PPP1R42: variants seen among roughly 807,000 people sequenced by gnomAD.
PPP1R42 encodes the protein leucine rich repeat containing 67.
In PPP1R42, 34 loss-of-function variants were observed where a neutral mutation model predicts 31.0. The observed-to-expected ratio is 1.10, with a 90% confidence interval of 0.83 to 1.46. The LOEUF is 1.46. Ranked by LOEUF, PPP1R42 falls within the 40% of genes most tolerant of loss-of-function variation. The pLI, the probability that PPP1R42 is intolerant of heterozygous loss-of-function variation, is 0.00. For synonymous variants in PPP1R42, 103 were observed against 109.8 expected, an observed-to-expected ratio of 0.94 and a Z score of 0.39; for missense variants, 268 against 303.0, an observed-to-expected ratio of 0.88 and a Z score of 0.86.
intron 1 of PPP1R42, among the ~76,000 whole-genome samples, chr8:67,022,051 G>A (rs1816236043): frequency 6.6e-6 from 1 of 152,028 alleles, no homozygotes; most frequent in Non-Finnish European, 1.5e-5. Flanking sequence ...AAAACTAGGA[G>A]TGGCCACTTC....
chr8:66,984,260 T>G (rs1210791358), intron 6 of PPP1R42: 1 of 1,458,152 alleles, frequency 6.9e-7, no homozygotes. Flanking sequence ...TCTCCAAAGC[T>G]CCGGTCTTTG....
intron 4 of PPP1R42, 78 bp from the exon 5 acceptor site, chr8:67,010,909 A>G: frequency 7.4e-7 from 1 of 1,359,150 alleles, no homozygotes; most frequent in East Asian, 2.5e-5. Flanking sequence ...CTAATCTTTG[A>G]AAAGTTTAAG....
At chr8:66,989,084 T>C (rs1337627779) in intron 5 of PPP1R42, among the ~76,000 whole-genome samples, 1 of 152,200 alleles carries the variant, frequency 6.6e-6, no homozygotes, top group East Asian at 1.9e-4. Context: ...TCTAATCTTT[T>C]TGAGCATAGG....
chr8:67,009,941 G>A (rs193065249), intron 5 of PPP1R42, among the ~76,000 whole-genome samples: 6 of 152,188 alleles, frequency 3.9e-5, no homozygotes, highest in African/African-American at 9.7e-5. Context: ...CCTGTGGTTC[G>A]TATGTCAAGA....
At chr8:66,968,638 T>G (rs974488701) in intron 7 of PPP1R42, 1 of 194,262 alleles carries the variant, frequency 5.1e-6, no homozygotes, top group Non-Finnish European at 9.4e-6. Context: ...CTAGCTTTAT[T>G]TTGATTATCT....
intron 5 of PPP1R42, among the ~76,000 whole-genome samples, chr8:66,999,138 G>C (rs931983487): frequency 2.6e-4 from 40 of 151,986 alleles, no homozygotes; most frequent in African/African-American, 9.7e-4. Context: ...GCTCACTGCA[G>C]CCTCGACTTC....
intron 7 of PPP1R42, among the ~76,000 whole-genome samples, chr8:66,973,228 A>G (rs778534193): frequency 1.1e-3 from 173 of 151,912 alleles, no homozygotes; most frequent in Non-Finnish European, 1.6e-3. Context: ...AACATTCTAT[A>G]TGGACTTTTA....
chr8:66,983,045 G>A (rs1478875330), intron 6 of PPP1R42, among the ~76,000 whole-genome samples: 2 of 151,514 alleles, frequency 1.3e-5, no homozygotes, highest in East Asian at 3.9e-4. Context: ...CAAAGCCCTG[G>A]GATTACAGAG....
chr8:66,965,216 A>G (rs1436929042), intron 7 of PPP1R42, among the ~76,000 whole-genome samples: 2 of 148,804 alleles, frequency 1.3e-5, no homozygotes, highest in Non-Finnish European at 3.0e-5. Context: ...GTGAGTCAAG[A>G]TTGCGCCACT....
Position 66,982,041 on chromosome 8 carries a change from G to A in PPP1R42, c.802+8C>T. 1.4e-6 allele frequency: 2 copies of A among 1,412,206 alleles called. No individual in the cohort carries two copies. Among genetic ancestry groups the A allele is most frequent in the Non-Finnish European group, 1.8e-6 (2 of 1,092,202 alleles). 87.5% of individuals were successfully genotyped at this position (1,412,206 alleles called of 1,614,324 possible). Reference sequence around the variant, plus strand: ...GAGCAGTCACCTAATGAGTGACAGAGTGCTTACTTATGAGTGAATTGCTTG... The same window carrying A: ...GAGCAGTCACCTAATGAGTGACAGAATGCTTACTTATGAGTGAATTGCTTG... On this transcript the variant is annotated splice_region_variant and intron_variant, in intron 7 of 7. Transcript: ENST00000685739.
intron 5 of PPP1R42, among the ~76,000 whole-genome samples, chr8:67,003,296 T>A (rs1326679100): frequency 4.0e-5 from 6 of 151,300 alleles, no homozygotes; most frequent in Middle Eastern, 3.4e-3. Context: ...AATTTTTTTT[T>A]AAAGTCTTAT....
chr8:66,964,452 C>T (rs973744574), intron 7 of PPP1R42, 118 bp from the exon 8 acceptor site: 4 of 373,924 alleles, frequency 1.1e-5, no homozygotes, highest in Admixed American at 1.0e-4. Context: ...AATGATTAAT[C>T]ACCAAACAGT....
chr8:66,996,144 AG>A (rs1815326258), intron 5 of PPP1R42, among the ~76,000 whole-genome samples: 1 of 152,132 alleles, frequency 6.6e-6, no homozygotes, highest in Non-Finnish European at 1.5e-5. Flanking sequence ...TTGACCTCCC[AG>A]GCTCAAGCGA....
At chr8:67,025,054 C>T (rs1407370347) in intron 1 of PPP1R42, among the ~76,000 whole-genome samples, 4 of 149,900 alleles carry the variant, frequency 2.7e-5, no homozygotes, top group African/African-American at 9.9e-5. Flanking sequence ...TCTCCCACCT[C>T]AGCCTCTTGA....
At chr8:67,012,153 T>A (rs1041810814) in intron 4 of PPP1R42, among the ~76,000 whole-genome samples, 2 of 152,118 alleles carry the variant, frequency 1.3e-5, no homozygotes, top group African/African-American at 4.8e-5. Context: ...GAAGAATTGC[T>A]TGAACCGGGG....
chr8:66,979,193 T>A (rs1814758534), intron 7 of PPP1R42, among the ~76,000 whole-genome samples: 2 of 152,222 alleles, frequency 1.3e-5, no homozygotes, highest in African/African-American at 2.4e-5. Context: ...AGGTCTTATA[T>A]TTAGGTCTTT....
chr8:66,973,674 G>A lies in PPP1R42; in HGVS notation c.802+8375C>T, dbSNP rs568799529. On this transcript the variant is annotated intron_variant, in intron 7 of 7. Transcript: ENST00000685739. Reference sequence around the variant, plus strand: ...TTTTTTTTACCTTAGGTACAATATCGTATAGTAGATCTCTAGAGTTTATTC... The same window carrying A: ...TTTTTTTTACCTTAGGTACAATATCATATAGTAGATCTCTAGAGTTTATTC... 8.5e-5 allele frequency among the ~76,000 whole-genome samples: 13 copies of A among 152,094 alleles called. No homozygotes were observed. In the East Asian group the frequency reaches 1.7e-3, roughly 20 times the overall value.
At chr8:66,993,757 C>G (rs1041902389) in intron 5 of PPP1R42, among the ~76,000 whole-genome samples, 1 of 152,164 alleles carries the variant, frequency 6.6e-6, no homozygotes, top group African/African-American at 2.4e-5. Context: ...GGGATCATAT[C>G]TGTTTTCTGC....
chr8:67,025,250 T>C (rs1048260199), intron 1 of PPP1R42, among the ~76,000 whole-genome samples: 1 of 151,966 alleles, frequency 6.6e-6, no homozygotes, highest in African/African-American at 2.4e-5. Flanking sequence ...TTGCCAGGAA[T>C]TTTTTCATCT....
Sources: gnomAD v4.1 joint callset for allele counts (sites outside exome capture counted in the v4.1 genomes callset) on GRCh38, gnomAD v4.1.1 for gene constraint, MANE v1.5 for transcripts, NCBI Gene and HGNC (gene_info 2026-07-23, HGNC 2026-07-21) for gene names.